Variants in STARD13 observed in about 807,000 individuals in gnomAD.
STARD13 encodes StAR related lipid transfer domain containing 13.
In STARD13, 62 loss-of-function variants were observed where a neutral mutation model predicts 106.4. The ratio of observed to expected loss-of-function variants is 0.58; its 90% confidence interval spans 0.48 to 0.72. The LOEUF is 0.72. STARD13 is among the 30% of genes least tolerant of loss of function. The pLI, the probability that STARD13 is intolerant of heterozygous loss-of-function variation, is 0.00. For synonymous variants in STARD13, 565 were observed against 553.0 expected (o/e 1.02, Z -0.31); for missense variants, 1,387 against 1,424.0 (o/e 0.97, Z 0.42).
chr13:33,543,225 A>G, the STARD13 span, among the ~76,000 whole-genome samples: 1 of 152,288 alleles, frequency 6.6e-6, no homozygotes, highest in East Asian at 1.9e-4. Flanking sequence ...TGTGGCTTAC[A>G]TTGGCCTCTG....
the STARD13 span, among the ~76,000 whole-genome samples, chr13:33,369,016 T>G: frequency 2.6e-5 from 4 of 152,158 alleles, no homozygotes; most frequent in Non-Finnish European, 5.9e-5. Context: ...GCTACCAGAT[T>G]TAGCAAATAG....
the STARD13 span, among the ~76,000 whole-genome samples, chr13:33,604,634 TA>T: frequency 6.6e-6 from 1 of 151,778 alleles, no homozygotes; most frequent in Non-Finnish European, 1.5e-5. Context: ...CCGTCTTTAC[TA>T]AAAAAATACA....
chr13:33,582,178 C>T, the STARD13 span, among the ~76,000 whole-genome samples: 49 of 150,488 alleles, frequency 3.3e-4, no homozygotes, highest in African/African-American at 1.1e-3. Context: ...GCCGAGATCA[C>T]GTCACTGCAC....
the STARD13 span, among the ~76,000 whole-genome samples, chr13:33,448,707 T>C: frequency 6.6e-6 from 1 of 152,168 alleles, no homozygotes; most frequent in Admixed American, 6.5e-5. Context: ...GCTGAACTAA[T>C]TTACATTTCC....
the STARD13 span, among the ~76,000 whole-genome samples, chr13:33,589,202 A>G: frequency 6.6e-6 from 1 of 151,946 alleles, no homozygotes; most frequent in African/African-American, 2.4e-5. Context: ...TTCTTTATTA[A>G]TCTTGCTAGT....
chr13:33,573,935 T>C, the STARD13 span, among the ~76,000 whole-genome samples: 7 of 152,078 alleles, frequency 4.6e-5, no homozygotes, highest in African/African-American at 1.7e-4. Flanking sequence ...TATAATATAT[T>C]CAAAAATAAC....
Position 33,130,138 on chromosome 13 carries a change from G to A in STARD13, c.539C>T (p.Thr180Met), listed in dbSNP as rs149234861. The change falls in exon 5 of 14, where the codon ACG becomes ATG. Residue 180 changes from threonine to methionine, a missense_variant. Thr to Met is a moderately conservative substitution (Grantham distance 81). Transcript: ENST00000336934. This position sits in a 1 kb window ranked among gnomAD's most constrained non-coding sequence, Gnocchi z 4.1. ...GSPGGTGMRN[T>M]TSSESVLTDL... is the part of the protein sequence containing the mutation. ...TGTGAGGACGCTCTCACTGCTGGTC[G>A]TGTTCCTCATCCCCGTGCCTCCCGG... 7.4e-5 allele frequency: 119 copies of A among 1,613,984 alleles called. No homozygotes were observed. The highest frequency in any genetic ancestry group is 4.7e-4 in the African/African-American group (35 of 74,912).
intron 7 of STARD13, among the ~76,000 whole-genome samples, chr13:33,122,915 T>C (rs551804184): frequency 6.6e-6 from 1 of 151,124 alleles, no homozygotes; most frequent in African/African-American, 2.4e-5. Flanking sequence ...ATTAGCTGGG[T>C]ATGGTGGTGC....
the STARD13 span, among the ~76,000 whole-genome samples, chr13:33,674,465 A>T: frequency 6.6e-6 from 1 of 152,258 alleles, no homozygotes; most frequent in Admixed American, 6.5e-5. Flanking sequence ...GTGTGGTTTC[A>T]TCAGGATTTG....
chr13:33,489,188 G>T, the STARD13 span, among the ~76,000 whole-genome samples: 1 of 151,832 alleles, frequency 6.6e-6, no homozygotes. Flanking sequence ...TCTTCCTCTG[G>T]TCAATGATTA....
chr13:33,544,948 G>T, the STARD13 span, among the ~76,000 whole-genome samples: 9 of 149,410 alleles, frequency 6.0e-5, no homozygotes, highest in African/African-American at 1.7e-4. Context: ...TAATTTTTTT[G>T]TTTTATTTAT....
chr13:33,448,342 T>C, the STARD13 span, among the ~76,000 whole-genome samples: 1 of 152,216 alleles, frequency 6.6e-6, no homozygotes, highest in Non-Finnish European at 1.5e-5. Flanking sequence ...AGATTTCATA[T>C]AAGTGACATC....
intron 3 of STARD13, among the ~76,000 whole-genome samples, chr13:33,157,142 A>G (rs1882074885): frequency 6.6e-6 from 1 of 151,980 alleles, no homozygotes; most frequent in African/African-American, 2.4e-5. Context: ...AATTGTAGAT[A>G]CCATTTTTGT....
the STARD13 span, among the ~76,000 whole-genome samples, chr13:33,563,523 A>G: frequency 6.8e-6 from 1 of 147,494 alleles, no homozygotes; most frequent in Non-Finnish European, 1.5e-5. Context: ...CTGGATAACC[A>G]TACACAAAAT....
At chr13:33,312,033 G>A (rs546113328) in intron 1 of STARD13, among the ~76,000 whole-genome samples, 5 of 152,314 alleles carry the variant, frequency 3.3e-5, no homozygotes, top group Admixed American at 2.0e-4. Context: ...TATGCAGTTC[G>A]TGTCAGAACA....
chr13:33,114,294 T>C (rs1875049278), intron 8 of STARD13, among the ~76,000 whole-genome samples: 2 of 152,178 alleles, frequency 1.3e-5, no homozygotes. Flanking sequence ...CCAGGCTTTG[T>C]GGTCCTGGGG....
At chr13:33,623,798 A>AG in the STARD13 span, among the ~76,000 whole-genome samples, 1 of 151,562 alleles carries the variant, frequency 6.6e-6, no homozygotes. Flanking sequence ...AACCAAAAAA[A>AG]GTGTTAAAAA....
chr13:33,258,690 T>C (rs543357676), intron 1 of STARD13, among the ~76,000 whole-genome samples: 1 of 152,230 alleles, frequency 6.6e-6, no homozygotes, highest in African/African-American at 2.4e-5. Context: ...AACCCTTTTA[T>C]GGTCAGGCTG....
intron 1 of STARD13, chr13:33,206,098 A>G: frequency 1.4e-6 from 1 of 723,430 alleles, no homozygotes; most frequent in African/African-American, 1.9e-5. Flanking sequence ...AAAAACGAAA[A>G]CTCACAGCTG....
Sources: allele counts gnomAD v4.1 joint callset (sites outside exome capture counted in the v4.1 genomes callset), GRCh38; gene constraint gnomAD v4.1.1; non-coding constraint Gnocchi (gnomAD v3.1); transcripts MANE v1.5; gene names NCBI Gene and HGNC (gene_info 2026-07-23, HGNC 2026-07-21).